The following PCDHGA2 variants were observed in gnomAD, a reference collection of about 807,000 sequenced individuals.
PCDHGA2 encodes the protein protocadherin gamma subfamily A, 2, also known as protocadherin gamma-A2.
A neutral mutation model predicts 59.2 loss-of-function variants in PCDHGA2; 40 were observed. That is an observed-to-expected ratio of 0.68 (90% CI 0.52 to 0.88). The LOEUF is 0.88. PCDHGA2 is among the 40% of genes least tolerant of loss of function. The probability of loss-of-function intolerance (pLI) is 0.00; values close to 1 mark genes in which losing one functional copy is unlikely to be tolerated. For missense variants in PCDHGA2, 1,226 were observed against 1,204.0 expected (o/e 1.02, Z -0.27); for synonymous variants, 560 against 526.0 (o/e 1.06, Z -0.89).
chr5:141,364,872 A>G (rs760519562), intron 1 of PCDHGA2: 6 of 1,613,890 alleles, frequency 3.7e-6, no homozygotes, highest in Non-Finnish European at 5.1e-6. Context: ...TTCTCTCTGG[A>G]TGTGGTAAGC....
intron 1 of PCDHGA2, chr5:141,430,634 C>G: frequency 1.1e-6 from 1 of 882,730 alleles, no homozygotes; most frequent in Non-Finnish European, 1.7e-6. Flanking sequence ...TGAACCATCC[C>G]TGGGAGTATG....
intron 1 of PCDHGA2, chr5:141,376,138 C>G (rs1234340396): frequency 1.2e-6 from 2 of 1,613,948 alleles, no homozygotes; most frequent in South Asian, 2.2e-5. Context: ...CCAAACCCAA[C>G]GATTCGGACC....
Position 141,476,279 on chromosome 5 carries a change from G to T in PCDHGA2, c.2425-18528G>T. The T allele has an allele frequency of 6.2e-7, 1 of 1,614,148 alleles. No individual in the cohort carries two copies. Among genetic ancestry groups the T allele is most frequent in the Non-Finnish European group, 8.5e-7 (1 of 1,180,024 alleles). On this transcript the variant is annotated intron_variant, in intron 1 of 3. Coordinates refer to ENST00000394576, the MANE Select transcript of PCDHGA2 (RefSeq NM_018915.4). This position sits in a 1 kb window ranked among gnomAD's most constrained non-coding sequence, Gnocchi z 7.6. ...TGTGGGCAACGTGGTCGCGAACCTT[G>T]GTTTGGATCTCGGTAGCCTCTCAGC...
chr5:141,356,286 G>C, intron 1 of PCDHGA2: 1 of 1,556,442 alleles, frequency 6.4e-7, no homozygotes, highest in Non-Finnish European at 8.7e-7. Context: ...CTTCTTCCCC[G>C]GGTACAGTAA....
rs914637211 is a variant in PCDHGA2, at chr5:141,422,245, G to C, written c.2425-72562G>C. The C allele has an allele frequency of 2.2e-5, 34 of 1,566,540 alleles. No individual in the cohort carries two copies. Among genetic ancestry groups the C allele is most frequent in the Non-Finnish European group, 2.8e-5 (32 of 1,162,588 alleles). On this transcript the variant is annotated intron_variant, in intron 1 of 3. Coordinates refer to ENST00000394576, the MANE Select transcript of PCDHGA2 (RefSeq NM_018915.4). ...CACGACGATGTTGATCACTGTTGTG[G>C]ATGTGAATGATAACGCTCCAGAAAT...
rs145901587 is a variant in PCDHGA2, at chr5:141,340,436, T to C, written c.1465T>C (p.Tyr489His). Reference protein sequence around the residue: ...PDSNDNAHVTYSFAEDTVQGA... With the variant: ...PDSNDNAHVTHSFAEDTVQGA... ...CAGCAACGACAATGCTCATGTAACT[T>C]ACTCTTTCGCGGAGGACACTGTTCA... Residue 489 changes from tyrosine (Y) to histidine (H), a missense_variant, in exon 1 of 4, where the codon TAC becomes CAC. Physicochemically the swap from Tyr to His is moderately conservative, Grantham distance 83. Coordinates refer to ENST00000394576, the MANE Select transcript of PCDHGA2 (RefSeq NM_018915.4). 61 of 1,614,210 alleles carry C rather than the reference T, an allele frequency of 3.8e-5. No homozygotes were observed. Among genetic ancestry groups the C allele is most frequent in the Non-Finnish European group, 4.9e-5 (58 of 1,180,038 alleles).
chr5:141,450,470 A>AGTTT (rs199699353), intron 1 of PCDHGA2, among the ~76,000 whole-genome samples: 2,037 of 151,800 alleles, frequency 0.013, 39 homozygotes, highest in African/African-American at 0.044. Flanking sequence ...TTATATATAG[A>AGTTT]GTTTGTTTGT....
At chr5:141,396,645 A>G (rs1224275677) in intron 1 of PCDHGA2, 1 of 152,172 alleles carries the variant, frequency 6.6e-6, no homozygotes, top group Non-Finnish European at 1.5e-5. Context: ...TAATATTAAT[A>G]GTAAAAACTC....
At chr5:141,378,050 A>C (rs1339661342) in intron 1 of PCDHGA2, 2 of 152,190 alleles carry the variant, frequency 1.3e-5, no homozygotes, top group Admixed American at 1.3e-4. Context: ...TTCCTTATCT[A>C]TCTGACTCAA....
intron 1 of PCDHGA2, chr5:141,371,218 C>G: frequency 1.2e-6 from 2 of 1,613,994 alleles, no homozygotes; most frequent in Non-Finnish European, 1.7e-6. Flanking sequence ...GGCATCAATG[C>G]CGAAATCATC....
Position 141,485,096 on chromosome 5 carries a change from C to T in PCDHGA2, c.2425-9711C>T, listed in dbSNP as rs1166994104. On this transcript the variant is annotated intron_variant, in intron 1 of 3. Coordinates refer to ENST00000394576, the MANE Select transcript of PCDHGA2 (RefSeq NM_018915.4). This position sits in a 1 kb window ranked among gnomAD's most constrained non-coding sequence, Gnocchi z 5.7. The stretch of plus-strand genomic sequence containing the variant: ...CGCGGGGAAAGGGAGATAGGTGTCT[C>T]CAGCTGCTGTGGCTGTTTGGGGCGG... The T allele has an allele frequency of 1.8e-6, 2 of 1,125,566 alleles. No homozygotes were observed. The highest frequency in any genetic ancestry group is 3.1e-5 in the African/African-American group (2 of 64,908). 69.7% of individuals were successfully genotyped at this position (1,125,566 alleles called of 1,614,324 possible).
chr5:141,393,613 G>A, intron 1 of PCDHGA2: 1 of 1,613,926 alleles, frequency 6.2e-7, no homozygotes, highest in Non-Finnish European at 8.5e-7. Flanking sequence ...GTAACAGCCA[G>A]CGACCCGGAT....
chr5:141,356,986 A>C, intron 1 of PCDHGA2: 1 of 1,614,164 alleles, frequency 6.2e-7, no homozygotes, highest in Non-Finnish European at 8.5e-7. Context: ...GGCAGTGGAC[A>C]GAGACTCAGG....
chr5:141,402,789 T>C (rs1047869740), intron 1 of PCDHGA2: 2 of 952,520 alleles, frequency 2.1e-6, no homozygotes, highest in South Asian at 4.2e-5. Context: ...GTTCTGCGGC[T>C]ACACAAAACC....
At position 141,477,167 on chromosome 5, in the gene PCDHGA2, G is replaced by A; in HGVS notation, c.2425-17640G>A. On this transcript the variant is annotated intron_variant, in intron 1 of 3. Coordinates refer to ENST00000394576, the MANE Select transcript of PCDHGA2 (RefSeq NM_018915.4). This position sits in a 1 kb window ranked among gnomAD's most constrained non-coding sequence, Gnocchi z 4.9. ...TGTGGATGTGAATGACAACGCCCCGGAGATCACAGTCACCTCCGTGTACAG... is the reference window on the plus strand; with the variant it reads ...TGTGGATGTGAATGACAACGCCCCGAAGATCACAGTCACCTCCGTGTACAG... 6.2e-7 allele frequency: 1 copy of A among 1,614,166 alleles called. No homozygotes were observed. Among genetic ancestry groups the A allele is most frequent in the South Asian group, 1.1e-5 (1 of 91,076 alleles).
At chr5:141,471,046 C>G (rs960750377) in intron 1 of PCDHGA2, among the ~76,000 whole-genome samples, 3 of 113,280 alleles carry the variant, frequency 2.6e-5, no homozygotes, top group African/African-American at 1.1e-4. Context: ...CCCAAGCCCT[C>G]TTTTTTTTTT....
Position 141,456,470 on chromosome 5 carries a change from A to G in PCDHGA2, c.2425-38337A>G, listed in dbSNP as rs573210902. Among the ~76,000 whole-genome samples, 4 of 152,272 alleles carry G rather than the reference A, an allele frequency of 2.6e-5. No homozygotes were observed. In the East Asian group the frequency reaches 7.7e-4, roughly 29 times the overall value. On this transcript the variant is annotated intron_variant, in intron 1 of 3. Coordinates refer to ENST00000394576, the MANE Select transcript of PCDHGA2 (RefSeq NM_018915.4). ...GTCCAAATATCAATACAAGACATAT[A>G]AGCAAGAGAGTGCTTAATAAAGGGG...
chr5:141,466,947 A>C (rs2099132734), intron 1 of PCDHGA2, among the ~76,000 whole-genome samples: 1 of 152,126 alleles, frequency 6.6e-6, no homozygotes, highest in South Asian at 2.1e-4. Context: ...TGTCCAGTAA[A>C]CAGACTGCAA....
At chr5:141,454,685 C>A (rs1305853379) in intron 1 of PCDHGA2, among the ~76,000 whole-genome samples, 1 of 151,844 alleles carries the variant, frequency 6.6e-6, no homozygotes, top group Non-Finnish European at 1.5e-5. Context: ...GGATTACAGG[C>A]ATGAGCCACC....
Sources: gnomAD v4.1 joint callset for allele counts (sites outside exome capture counted in the v4.1 genomes callset) on GRCh38, gnomAD v4.1.1 for gene constraint, Gnocchi (gnomAD v3.1) non-coding constraint, MANE v1.5 for transcripts, NCBI Gene and HGNC (gene_info 2026-07-23, HGNC 2026-07-21) for gene names.